Variants in PACRG observed in about 807,000 individuals in gnomAD.
PACRG encodes parkin coregulated.
In PACRG, 29 loss-of-function variants were observed where a neutral mutation model predicts 29.7. The ratio of observed to expected loss-of-function variants is 0.98; its 90% CI spans 0.73 to 1.33. The LOEUF is 1.33. PACRG is among the 40% of genes most tolerant of loss of function. The probability of loss-of-function intolerance (pLI) is 0.00; values close to 1 mark genes in which losing one functional copy is unlikely to be tolerated. For missense variants in PACRG, 279 were observed against 316.2 expected, an observed-to-expected ratio of 0.88 and a Z score of 0.89; for synonymous variants, 116 against 118.7, an observed-to-expected ratio of 0.98 and a Z score of 0.15.
At chr6:163,193,136 A>C (rs1163110202) in intron 4 of PACRG, among the ~76,000 whole-genome samples, 1 of 151,808 alleles carries the variant, frequency 6.6e-6, no homozygotes, top group African/African-American at 2.4e-5. Context: ...GCACACTGGC[A>C]TGTAACTGCA....
At chr6:162,962,178 C>G (rs891407746) in intron 2 of PACRG, among the ~76,000 whole-genome samples, 2 of 152,144 alleles carry the variant, frequency 1.3e-5, no homozygotes, top group Non-Finnish European at 2.9e-5. Context: ...TTGGGAAACT[C>G]TTCTCTCTGC....
chr6:163,281,230 G>A (rs1414721474), intron 4 of PACRG, among the ~76,000 whole-genome samples: 3 of 152,128 alleles, frequency 2.0e-5, no homozygotes, highest in Admixed American at 6.5e-5. Context: ...AGAGCAGGAC[G>A]TTCAGAGGAG....
chr6:163,062,376 A>G, intron 3 of PACRG, 55 bp downstream of exon 3: 1 of 1,515,210 alleles, frequency 6.6e-7, no homozygotes, highest in Non-Finnish European at 8.9e-7. Flanking sequence ...GCTTTTTGAC[A>G]ACTTGCTAAT....
At chr6:163,028,312 C>T in intron 2 of PACRG, among the ~76,000 whole-genome samples, 1 of 152,186 alleles carries the variant, frequency 6.6e-6, no homozygotes, top group East Asian at 1.9e-4. Flanking sequence ...ATCAAAATTA[C>T]AGAAGGTCTC....
intron 1 of PACRG, among the ~76,000 whole-genome samples, chr6:162,797,263 A>G (rs1052939330): frequency 1.3e-5 from 2 of 152,212 alleles, no homozygotes; most frequent in African/African-American, 2.4e-5. Flanking sequence ...GCAAGACTCC[A>G]TCTCAAAAAC....
At chr6:162,825,893 A>C (rs1788230556) in intron 2 of PACRG, among the ~76,000 whole-genome samples, 1 of 152,152 alleles carries the variant, frequency 6.6e-6, no homozygotes, top group African/African-American at 2.4e-5. Context: ...CTGGGGACTT[A>C]GTATTTGCCT....
At chr6:163,197,452 T>C (rs1349551726) in intron 4 of PACRG, among the ~76,000 whole-genome samples, 2 of 141,600 alleles carry the variant, frequency 1.4e-5, no homozygotes, top group African/African-American at 2.7e-5. Context: ...TTTTTTTTTT[T>C]TTTTTTTGTG....
chr6:162,931,356 A>G (rs1230358165), intron 2 of PACRG, among the ~76,000 whole-genome samples: 1 of 149,228 alleles, frequency 6.7e-6, no homozygotes, highest in Non-Finnish European at 1.5e-5. Context: ...TTATTCTTTC[A>G]TGGATCATGC....
chr6:162,756,169 A>G (rs1433988600), intron 1 of PACRG, among the ~76,000 whole-genome samples: 2 of 152,296 alleles, frequency 1.3e-5, no homozygotes, highest in African/African-American at 4.8e-5. Context: ...CATTTGTTTT[A>G]AAGTTTAATT....
At chr6:163,141,544 A>G (rs1817152012) in intron 4 of PACRG, among the ~76,000 whole-genome samples, 1 of 152,082 alleles carries the variant, frequency 6.6e-6, no homozygotes, top group Non-Finnish European at 1.5e-5. Flanking sequence ...TATCTGGAAG[A>G]AAGTTAAAAA....
At position 162,871,920 on chromosome 6, in the gene PACRG, A is replaced by C. The variant is rs529391197; in HGVS notation, c.291+57639A>C. On this transcript the variant is annotated intron_variant, in intron 2 of 4. Coordinates refer to ENST00000366888, the MANE Select transcript of PACRG (RefSeq NM_001080379.2). ...TGACAGAGCCAGACTCCGTCTCAAA[A>C]AAAAACAAAAACAAAAACAAAACAA... Among the ~76,000 whole-genome samples, 29 of 152,298 alleles carry C rather than the reference A, an allele frequency of 1.9e-4. 2 individuals carry two copies. The South Asian group carries it at 4.8e-3, about 25-fold the overall frequency.
chr6:162,758,772 C>T (rs1258925698), intron 1 of PACRG, among the ~76,000 whole-genome samples: 6 of 152,084 alleles, frequency 3.9e-5, no homozygotes, highest in African/African-American at 1.4e-4. Context: ...ACACTAAGAC[C>T]ATTACCTGCT....
In PACRG at chr6:162,841,572, A is replaced by G. The variant is rs1208786197; in HGVS notation, c.291+27291A>G. Among the ~76,000 whole-genome samples, 8 of 151,586 alleles carry G rather than the reference A, an allele frequency of 5.3e-5. No individual in the cohort carries two copies. In the East Asian group the frequency reaches 1.4e-3, roughly 26 times the overall value. On this transcript the variant is annotated intron_variant, in intron 2 of 4. Coordinates refer to ENST00000366888, the MANE Select transcript of PACRG (RefSeq NM_001080379.2). ...CTCCTGGATTCATTAATTTTTTGAAAGGGTTTTTGTGTCTCTATTTCCTTC... is the reference window on the plus strand; with the variant it reads ...CTCCTGGATTCATTAATTTTTTGAAGGGGTTTTTGTGTCTCTATTTCCTTC...
At chr6:163,279,738 T>C (rs999216418) in intron 4 of PACRG, among the ~76,000 whole-genome samples, 1 of 152,212 alleles carries the variant, frequency 6.6e-6, no homozygotes, top group Non-Finnish European at 1.5e-5. Context: ...CTCTTTCCTG[T>C]ATTTTTTTCT....
chr6:162,981,029 C>A (rs774404666), intron 2 of PACRG, among the ~76,000 whole-genome samples: 1 of 152,026 alleles, frequency 6.6e-6, no homozygotes, highest in East Asian at 1.9e-4. Flanking sequence ...TCCTTTATCC[C>A]TCACCCCCTC....
At chr6:162,849,761 A>G (rs1790705088) in intron 2 of PACRG, among the ~76,000 whole-genome samples, 2 of 152,226 alleles carry the variant, frequency 1.3e-5, no homozygotes, top group South Asian at 4.1e-4. Context: ...GATTTTTGAA[A>G]TATCTAAATA....
chr6:163,264,526 G>C (rs1783454589), intron 4 of PACRG, among the ~76,000 whole-genome samples: 1 of 152,202 alleles, frequency 6.6e-6, no homozygotes, highest in South Asian at 2.1e-4. Flanking sequence ...AGTCGTTCAA[G>C]GGCGACAGAG....
At chr6:163,146,202 G>A (rs1048437833) in intron 4 of PACRG, among the ~76,000 whole-genome samples, 12 of 152,198 alleles carry the variant, frequency 7.9e-5, no homozygotes, top group Admixed American at 3.9e-4. Context: ...AGGAGATGCC[G>A]TCGGTAGCCT....
intron 2 of PACRG, among the ~76,000 whole-genome samples, chr6:162,994,326 CT>C (rs1262223305): frequency 6.6e-6 from 1 of 150,720 alleles, no homozygotes; most frequent in African/African-American, 2.5e-5. Flanking sequence ...GGATAATATC[CT>C]GTAGAGTGTT....
Sources: gnomAD v4.1 joint callset for allele counts (sites outside exome capture counted in the v4.1 genomes callset) on GRCh38, gnomAD v4.1.1 for gene constraint, MANE v1.5 for transcripts, NCBI Gene and HGNC (gene_info 2026-07-23, HGNC 2026-07-21) for gene names.